Variants in ALDH1L1 observed in about 807,000 individuals in gnomAD.
The protein encoded by ALDH1L1 is aldehyde dehydrogenase 1 family member L1.
A neutral mutation model predicts 101.1 loss-of-function variants in ALDH1L1; 68 were observed. That is an observed-to-expected ratio of 0.67 (90% CI 0.55 to 0.82). ALDH1L1 has a LOEUF of 0.82. ALDH1L1 is among the 40% of genes least tolerant of loss of function. The pLI, the probability that ALDH1L1 is intolerant of heterozygous loss-of-function variation, is 0.00. For synonymous variants in ALDH1L1, 486 were observed against 470.8 expected (o/e 1.03, Z -0.42); for missense variants, 1,087 against 1,172.7 (o/e 0.93, Z 1.07).
chr3:126,137,906 A>G lies in ALDH1L1; in HGVS notation c.1131T>C (p.Asp377=). The G allele has an allele frequency of 6.2e-7, 1 of 1,614,116 alleles. No homozygotes were observed. Among genetic ancestry groups the G allele is most frequent in the Non-Finnish European group, 8.5e-7 (1 of 1,180,002 alleles). ...CCCCAAAGGTGGATGCCATGTACACATCTTCATTTTCTAACTCCAGGCCAT... is the reference window on the plus strand; with the variant it reads ...CCCCAAAGGTGGATGCCATGTACACGTCTTCATTTTCTAACTCCAGGCCAT... ...LCDGLELENE[D]VYMASTFGDF... is the part of the protein sequence containing the mutation. The change falls in exon 10 of 23, where the codon GAT becomes GAC. Residue 377 remains aspartate (D), a synonymous_variant. Transcript: ENST00000393434.
intron 21 of ALDH1L1, 121 bp from the exon 22 acceptor site, chr3:126,106,046 G>C: frequency 9.4e-7 from 1 of 1,061,158 alleles, no homozygotes; most frequent in Non-Finnish European, 1.3e-6. Context: ...AAAATGTGCC[G>C]GGCTGCAGCG....
intron 7 of ALDH1L1, chr3:126,152,282 CT>C (rs2080820838): frequency 6.6e-6 from 1 of 152,246 alleles, no homozygotes; most frequent in African/African-American, 2.4e-5. Context: ...TAGACTTCTC[CT>C]GAACCTTTAC....
chr3:126,191,749 C>T (rs1200592726), intron 1 of ALDH1L1, among the ~76,000 whole-genome samples: 1 of 152,146 alleles, frequency 6.6e-6, no homozygotes, highest in Non-Finnish European at 1.5e-5. Flanking sequence ...TAGAGTGAAA[C>T]TTTCTCCTTG....
At chr3:126,165,846 CTTGT>C (rs1406557900) in intron 1 of ALDH1L1, among the ~76,000 whole-genome samples, 2 of 152,064 alleles carry the variant, frequency 1.3e-5, no homozygotes, top group Non-Finnish European at 2.9e-5. Context: ...GTCTAATGAT[CTTGT>C]TTATTTTTAT....
intron 9 of ALDH1L1, among the ~76,000 whole-genome samples, chr3:126,141,070 T>C (rs763184879): frequency 3.9e-5 from 6 of 151,992 alleles, no homozygotes; most frequent in South Asian, 2.1e-4. Flanking sequence ...GATATAATGA[T>C]ACAAAAGAGC....
intron 1 of ALDH1L1, among the ~76,000 whole-genome samples, chr3:126,188,007 C>A (rs1283335872): frequency 6.6e-6 from 1 of 152,204 alleles, no homozygotes; most frequent in Non-Finnish European, 1.5e-5. Flanking sequence ...GAGCTCCTGG[C>A]TGCTACACGG....
chr3:126,108,053 A>G (rs1486511450), intron 20 of ALDH1L1: 1 of 152,262 alleles, frequency 6.6e-6, no homozygotes, highest in Non-Finnish European at 1.5e-5. Flanking sequence ...AAAATGTTCA[A>G]TATTTTTCAT....
At chr3:126,173,897 C>G (rs1051128531) in intron 1 of ALDH1L1, among the ~76,000 whole-genome samples, 2 of 152,218 alleles carry the variant, frequency 1.3e-5, no homozygotes, top group Admixed American at 6.5e-5. Context: ...ATTATCCCAG[C>G]AGACATAATA....
At chr3:126,155,675 C>T (rs2080890470) in intron 4 of ALDH1L1, 172 bp from the exon 5 acceptor site, 1 of 544,612 alleles carries the variant, frequency 1.8e-6, no homozygotes, top group African/African-American at 1.9e-5. Context: ...GTGAACCTAA[C>T]TTCTATTGCA....
chr3:126,155,615 TA>T, intron 4 of ALDH1L1, 112 bp from the exon 5 acceptor site: 3 of 833,526 alleles, frequency 3.6e-6, no homozygotes, highest in Non-Finnish European at 5.3e-6. Context: ...ACTTGCCTGG[TA>T]CACAGCAGTC....
chr3:126,168,002 A>G (rs2081201942), intron 1 of ALDH1L1, among the ~76,000 whole-genome samples: 1 of 152,164 alleles, frequency 6.6e-6, no homozygotes, highest in Non-Finnish European at 1.5e-5. Flanking sequence ...AAACTGCTAA[A>G]CATGGATTTG....
At chr3:126,137,525 T>G (rs1236220727) in intron 10 of ALDH1L1, among the ~76,000 whole-genome samples, 1 of 152,248 alleles carries the variant, frequency 6.6e-6, no homozygotes, top group East Asian at 1.9e-4. Context: ...ATTTGTTTCC[T>G]TAGTGGGAAC....
At chr3:126,153,680 C>T in intron 6 of ALDH1L1, 99 bp from the exon 7 acceptor site, 1 of 1,446,854 alleles carries the variant, frequency 6.9e-7, no homozygotes, top group South Asian at 1.4e-5. Flanking sequence ...GGGAGAGGGG[C>T]CAGGGGTAGC....
intron 1 of ALDH1L1, among the ~76,000 whole-genome samples, chr3:126,192,216 C>T (rs1219627939): frequency 6.6e-6 from 1 of 152,072 alleles, no homozygotes; most frequent in Non-Finnish European, 1.5e-5. Flanking sequence ...GCATCCTTGT[C>T]CCTTGATTTT....
intron 1 of ALDH1L1, among the ~76,000 whole-genome samples, chr3:126,167,016 T>G (rs1473075486): frequency 3.3e-5 from 5 of 152,240 alleles, no homozygotes; most frequent in African/African-American, 9.6e-5. Context: ...TAATTTTTTA[T>G]ACTTAAAATA....
At chr3:126,124,967 G>T (rs1415869396) in intron 15 of ALDH1L1, among the ~76,000 whole-genome samples, 1 of 152,162 alleles carries the variant, frequency 6.6e-6, no homozygotes, top group African/African-American at 2.4e-5. Flanking sequence ...GTGCCCTCCT[G>T]GGCACACCAT....
At chr3:126,183,527 G>A (rs78574145), upstream of ALDH1L1, among the ~76,000 whole-genome samples, 474 of 152,274 alleles carry the variant, frequency 3.1e-3, 1 homozygote, top group African/African-American at 0.011. Context: ...AGCCAAGAGC[G>A]TGGAGAATCA....
chr3:126,136,945 T>G, intron 10 of ALDH1L1, 62 bp from the exon 11 acceptor site: 1 of 1,601,332 alleles, frequency 6.2e-7, no homozygotes, highest in Non-Finnish European at 8.5e-7. Context: ...CATACACAGA[T>G]GGCCACACAG....
intron 1 of ALDH1L1, among the ~76,000 whole-genome samples, chr3:126,167,220 C>T (rs1345775970): frequency 6.6e-6 from 1 of 152,054 alleles, no homozygotes; most frequent in Non-Finnish European, 1.5e-5. Context: ...GATTTTAGTT[C>T]CCAAAGTTCT....
Sources: gnomAD v4.1 joint callset for allele counts (sites outside exome capture counted in the v4.1 genomes callset) on GRCh38, gnomAD v4.1.1 for gene constraint, MANE v1.5 for transcripts, NCBI Gene and HGNC (gene_info 2026-07-23, HGNC 2026-07-21) for gene names.